The following SLC6A11 variants were observed in gnomAD, a reference collection of about 807,000 sequenced individuals.
SLC6A11 encodes sodium- and chloride-dependent GABA transporter 3.
Under a neutral mutation model 74.8 loss-of-function variants are expected in SLC6A11, and 25 were observed. That is an observed-to-expected ratio of 0.33 (90% CI 0.24 to 0.47). The LOEUF (loss-of-function observed/expected upper bound fraction) is 0.47. Among genes scored for constraint, SLC6A11 ranks in the 20% least tolerant of loss-of-function variants. The pLI, the probability that SLC6A11 is intolerant of heterozygous loss-of-function variation, is 1.00. For missense variants in SLC6A11, 574 were observed against 837.0 expected (o/e 0.69, Z 3.88); for synonymous variants, 330 against 330.2 (o/e 1.00, Z 0.01).
At chr3:10,873,434 C>CATGCCATCCTACCCTACCCTATCCTACG (rs1694855914) in intron 5 of SLC6A11, among the ~76,000 whole-genome samples, 1 of 150,484 alleles carries the variant, frequency 6.6e-6, no homozygotes, top group Non-Finnish European at 1.5e-5. Context: ...CCTATCCTAT[C>CATGCCATCCTACCCTACCCTATCCTACG]CTATCCTATC....
intron 5 of SLC6A11, among the ~76,000 whole-genome samples, chr3:10,867,613 G>T (rs1305405436): frequency 1.3e-5 from 2 of 152,198 alleles, no homozygotes; most frequent in African/African-American, 4.8e-5. Context: ...GAGCAAGGAA[G>T]GACCTCAGAA....
At chr3:10,861,724 G>A (rs934270084) in intron 5 of SLC6A11, among the ~76,000 whole-genome samples, 1 of 152,174 alleles carries the variant, frequency 6.6e-6, no homozygotes, top group Non-Finnish European at 1.5e-5. Flanking sequence ...CTGTGGGATG[G>A]CTGCCAAGTA....
intron 1 of SLC6A11, among the ~76,000 whole-genome samples, chr3:10,817,233 G>A (rs1694075729): frequency 6.6e-6 from 1 of 152,110 alleles, no homozygotes; most frequent in African/African-American, 2.4e-5. Flanking sequence ...AATTGACAAC[G>A]AACAGTTTAT....
chr3:10,872,338 AT>A (rs1319689233), intron 5 of SLC6A11, among the ~76,000 whole-genome samples: 1 of 152,238 alleles, frequency 6.6e-6, no homozygotes, highest in East Asian at 1.9e-4. Context: ...AAATGCAGCC[AT>A]TGTTATTATC....
At chr3:10,937,238 G>A (rs1483510599) in intron 13 of SLC6A11, among the ~76,000 whole-genome samples, 3 of 152,180 alleles carry the variant, frequency 2.0e-5, no homozygotes, top group Non-Finnish European at 4.4e-5. Context: ...GAGGCACGGG[G>A]GGTTAAGCTT....
At chr3:10,903,571 G>T (rs1477971751) in intron 6 of SLC6A11, among the ~76,000 whole-genome samples, 2 of 152,218 alleles carry the variant, frequency 1.3e-5, no homozygotes, top group South Asian at 2.1e-4. Flanking sequence ...CCATTCCTGG[G>T]ACTTGTGCCT....
chr3:10,874,673 AT>A (rs945173805), intron 5 of SLC6A11, among the ~76,000 whole-genome samples: 1 of 151,890 alleles, frequency 6.6e-6, no homozygotes, highest in African/African-American at 2.4e-5. Flanking sequence ...GTGATGCCCC[AT>A]TTCCCCCCTC....
rs145257268 is a variant in SLC6A11 at position 10,918,256 on chromosome 3, G to A, written c.996-73G>A. 2.0e-4 allele frequency: 294 copies of A among 1,459,038 alleles called. 1 individual carries two copies. The African/African-American group carries it at 2.2e-3, about 11-fold the overall frequency. 90.4% of individuals were successfully genotyped at this position (1,459,038 alleles called of 1,614,324 possible). A position where few individuals can be genotyped will look rare whatever the true frequency, so the allele number is the denominator to read the frequency against. On this transcript the variant is annotated intron_variant, in intron 7 of 13. Coordinates refer to ENST00000254488, the MANE Select transcript of SLC6A11 (RefSeq NM_014229.3). This position sits in a 1 kb window ranked among gnomAD's most constrained non-coding sequence, Gnocchi z 4.5. ...GCCTCACAGGACAGCCATGGTGCTC[G>A]GGTGGAGAACGTTTGAGCCGTGCAC... is the stretch of plus-strand genomic sequence containing the variant.
chr3:10,928,972 C>T (rs1436049526), intron 9 of SLC6A11, among the ~76,000 whole-genome samples: 2 of 152,206 alleles, frequency 1.3e-5, no homozygotes, highest in African/African-American at 4.8e-5. Flanking sequence ...CTGAATAATC[C>T]TGGGCAGGTC....
chr3:10,855,012 G>C (rs887527442), intron 5 of SLC6A11, among the ~76,000 whole-genome samples: 1 of 152,008 alleles, frequency 6.6e-6, no homozygotes, highest in African/African-American at 2.4e-5. Context: ...TAGATGGATG[G>C]GTGGATGGGT....
chr3:10,865,644 A>G (rs1220429083), intron 5 of SLC6A11, among the ~76,000 whole-genome samples: 1 of 152,208 alleles, frequency 6.6e-6, no homozygotes, highest in Non-Finnish European at 1.5e-5. Context: ...GCCTGGCTAC[A>G]GAGTGAGATT....
chr3:10,914,358 G>A (rs1695426916), intron 7 of SLC6A11, among the ~76,000 whole-genome samples: 1 of 152,168 alleles, frequency 6.6e-6, no homozygotes, highest in South Asian at 2.1e-4. Flanking sequence ...TGTTAAGTCG[G>A]CAGTGTTTAC....
rs535987157 is a variant in SLC6A11 at position 10,930,019 on chromosome 3, C to CA, written c.1371+688dup. Among the ~76,000 whole-genome samples the CA allele has an allele frequency of 5.1e-4, 77 of 151,048 alleles. 2 individuals carry two copies. The South Asian group carries it at 0.012, about 24-fold the overall frequency. On this transcript the variant is annotated intron_variant, in intron 10 of 13. Coordinates refer to ENST00000254488, the MANE Select transcript of SLC6A11 (RefSeq NM_014229.3). Reference sequence around the variant, plus strand: ...TACACAAAATTAATTAATTTAAAAACAAAAAAAAGAACTGTTGCCTAGAAA... The same window carrying CA: ...TACACAAAATTAATTAATTTAAAAACAAAAAAAAAGAACTGTTGCCTAGAAA...
intron 3 of SLC6A11, among the ~76,000 whole-genome samples, chr3:10,820,536 A>G (rs144717748): frequency 2.2e-3 from 340 of 152,210 alleles, no homozygotes; most frequent in African/African-American, 7.3e-3. Flanking sequence ...TTACTCTATC[A>G]ATCCAACCCA....
intron 13 of SLC6A11, 149 bp downstream of exon 13, chr3:10,935,348 A>G: frequency 1.5e-6 from 1 of 681,804 alleles, no homozygotes; most frequent in Non-Finnish European, 2.5e-6. Context: ...AATGTTCAGT[A>G]TCATGGTTGT....
chr3:10,846,658 A>T (rs1278074272), intron 5 of SLC6A11, among the ~76,000 whole-genome samples: 1 of 152,196 alleles, frequency 6.6e-6, no homozygotes, highest in Non-Finnish European at 1.5e-5. Context: ...GCAGACAGCT[A>T]TGATCTTGGA....
At chr3:10,837,573 G>T (rs1291427474) in intron 4 of SLC6A11, among the ~76,000 whole-genome samples, 1 of 152,216 alleles carries the variant, frequency 6.6e-6, no homozygotes, top group Non-Finnish European at 1.5e-5. Flanking sequence ...GTCCTCACCT[G>T]AGAAGATGCA....
At chr3:10,877,819 A>G (rs1156689908) in intron 6 of SLC6A11, among the ~76,000 whole-genome samples, 1 of 152,222 alleles carries the variant, frequency 6.6e-6, no homozygotes. Flanking sequence ...TCTTTCCTAC[A>G]GGCCTGCAAA....
At chr3:10,894,466 AC>A (rs1247886408) in intron 6 of SLC6A11, among the ~76,000 whole-genome samples, 2 of 152,186 alleles carry the variant, frequency 1.3e-5, no homozygotes, top group African/African-American at 4.8e-5. Context: ...GCTCATTTAC[AC>A]CACCTCTCCT....
Sources: gnomAD v4.1 joint callset for allele counts (sites outside exome capture counted in the v4.1 genomes callset) on GRCh38, gnomAD v4.1.1 for gene constraint, Gnocchi (gnomAD v3.1) non-coding constraint, MANE v1.5 for transcripts, NCBI Gene and HGNC (gene_info 2026-07-23, HGNC 2026-07-21) for gene names.